The following UBE3A variants were observed in gnomAD, a reference collection of about 807,000 sequenced individuals.
UBE3A encodes ubiquitin-protein ligase E3A.
A neutral mutation model predicts 83.4 loss-of-function variants in UBE3A; 6 were observed. The observed-to-expected ratio is 0.07, with a 90% CI of 0.04 to 0.14. The LOEUF (loss-of-function observed/expected upper bound fraction) is 0.14. Among genes scored for constraint, UBE3A ranks in the 10% least tolerant of loss-of-function variants. UBE3A has a pLI of 1.00. For missense variants in UBE3A, 456 were observed against 1,036.1 expected (o/e 0.44, Z 7.69); for synonymous variants, 337 against 355.4 (o/e 0.95, Z 0.58).
intron 1 of UBE3A, among the ~76,000 whole-genome samples, chr15:25,428,593 C>T (rs1254399737): frequency 6.6e-6 from 1 of 152,086 alleles, no homozygotes; most frequent in Non-Finnish European, 1.5e-5. Flanking sequence ...GATAGTGTGC[C>T]TTTCCTTTAA....
chr15:25,434,049 G>A lies in UBE3A; in HGVS notation c.-165+4440C>T, dbSNP rs1436664812. 5.3e-5 allele frequency among the ~76,000 whole-genome samples: 8 copies of A among 152,188 alleles called. No individual in the cohort carries two copies. The South Asian group carries it at 8.3e-4, about 16-fold the overall frequency. ...TGCACTCCAACTTGGGCAACACAGC[G>A]AGACCCTGTCTCTAAACAAATAAAC... On this transcript the variant is annotated intron_variant, in intron 1 of 12. Transcript: ENST00000648336.
chr15:25,421,258 T>G (rs765431645), intron 1 of UBE3A, among the ~76,000 whole-genome samples: 8 of 152,154 alleles, frequency 5.3e-5, no homozygotes, highest in African/African-American at 1.9e-4. Context: ...TGCTCCCCCT[T>G]TGCCTTCCAC....
chr15:25,392,018 G>A (rs1184335522), intron 4 of UBE3A, among the ~76,000 whole-genome samples: 4 of 152,066 alleles, frequency 2.6e-5, no homozygotes, highest in Non-Finnish European at 5.9e-5. Flanking sequence ...AAACCGAGAA[G>A]AAACTGATAG....
In UBE3A at chr15:25,371,629, T is replaced by C; in HGVS notation, c.545A>G (p.Asp182Gly). The C allele has an allele frequency of 6.2e-7, 1 of 1,614,148 alleles. No homozygotes were observed. The highest frequency in any genetic ancestry group is 8.5e-7 in the Non-Finnish European group (1 of 1,180,022). Reference protein sequence around the residue: ...KEELKSLQAKDEDKDEDEKEK... With the variant: ...KEELKSLQAKGEDKDEDEKEK... ...CTTTTCATCTTCATCTTTGTCTTCA[T>C]CTTTTGCTTGAAGAGATTTCAGTTC... is the stretch of plus-strand genomic sequence containing the variant. The change falls in exon 6 of 13, where the codon GAT (aspartate) becomes GGT (glycine). Residue 182 changes from aspartate (D) to glycine (G), a missense_variant. Asp to Gly is a moderately conservative substitution (Grantham distance 94). Transcript: ENST00000648336. This position sits in a 1 kb window ranked among gnomAD's most constrained non-coding sequence, Gnocchi z 5.3.
intron 3 of UBE3A, chr15:25,406,981 T>C: frequency 1.2e-6 from 1 of 858,628 alleles, no homozygotes; most frequent in Non-Finnish European, 1.6e-6. Flanking sequence ...ATGCTGGAGG[T>C]GGCAGTGACT....
At chr15:25,410,688 G>C (rs1048988802) in intron 2 of UBE3A, among the ~76,000 whole-genome samples, 17 of 152,212 alleles carry the variant, frequency 1.1e-4, no homozygotes, top group Admixed American at 7.2e-4. Context: ...TCAAAATCCA[G>C]ATTAGGTGAG....
chr15:25,408,656 G>A lies in UBE3A; in HGVS notation c.20+432C>T, dbSNP rs1246312033. 1.9e-6 allele frequency: 3 copies of A among 1,613,684 alleles called. No individual in the cohort carries two copies. In the East Asian group the frequency reaches 6.7e-5, roughly 36 times the overall value. On this transcript the variant is annotated intron_variant, in intron 3 of 12. Transcript: ENST00000648336. ...CTGGTGCAGCTTCTCCATCCTGCAA[G>A]CCACTCCTTTTACCTCCACTGTAAC...
chr15:25,377,055 G>T (rs945323740), intron 4 of UBE3A, among the ~76,000 whole-genome samples: 17 of 152,040 alleles, frequency 1.1e-4, no homozygotes, highest in African/African-American at 3.6e-4. Context: ...CAACTACAAA[G>T]AATCAAAATT....
Position 25,395,006 on chromosome 15 carries a change from G to C in UBE3A, c.62+10455C>G, listed in dbSNP as rs180770137. On this transcript the variant is annotated intron_variant, in intron 4 of 12. Transcript: ENST00000648336. Reference sequence around the variant, plus strand: ...AGTTAAGGGGAATGCAGAAGAACATGATCATTCTTTGATGCAGCCGGTCAG... The same window carrying C: ...AGTTAAGGGGAATGCAGAAGAACATCATCATTCTTTGATGCAGCCGGTCAG... Among the ~76,000 whole-genome samples, 44 of 152,258 alleles carry C rather than the reference G, an allele frequency of 2.9e-4. No homozygotes were observed. In the East Asian group the frequency reaches 6.0e-3, roughly 21 times the overall value.
At chr15:25,343,800 G>A (rs1015968290) in intron 11 of UBE3A, among the ~76,000 whole-genome samples, 20 of 152,092 alleles carry the variant, frequency 1.3e-4, no homozygotes, top group African/African-American at 4.8e-4. Flanking sequence ...ACGACCAGCT[G>A]AGCAGCAAAA....
intron 1 of UBE3A, among the ~76,000 whole-genome samples, chr15:25,434,630 A>G (rs924803039): frequency 7.9e-5 from 12 of 152,202 alleles, no homozygotes; most frequent in Admixed American, 2.6e-4. Flanking sequence ...CAAAACACTC[A>G]TATGTCTCCA....
At chr15:25,378,366 A>AT (rs1235772859) in intron 4 of UBE3A, among the ~76,000 whole-genome samples, 1 of 152,118 alleles carries the variant, frequency 6.6e-6, no homozygotes, top group East Asian at 1.9e-4. Flanking sequence ...TAGGGAAACA[A>AT]TTGTCTGGGC....
intron 11 of UBE3A, among the ~76,000 whole-genome samples, chr15:25,340,848 G>GCAT (rs1285835795): frequency 6.6e-6 from 1 of 152,016 alleles, no homozygotes; most frequent in Non-Finnish European, 1.5e-5. Flanking sequence ...GCTGTGTATG[G>GCAT]AGGAGGAGAA....
At chr15:25,339,743 A>ACAAT (rs2074413766) in intron 12 of UBE3A, 2 of 357,990 alleles carry the variant, frequency 5.6e-6, no homozygotes, top group South Asian at 2.6e-5. Context: ...GGATTCTAGC[A>ACAAT]CAATCAAATG....
At chr15:25,341,227 G>A (rs2074718098) in intron 11 of UBE3A, among the ~76,000 whole-genome samples, 4 of 97,492 alleles carry the variant, frequency 4.1e-5, no homozygotes, top group South Asian at 4.8e-4. Flanking sequence ...CTGCCACCAC[G>A]CCTGGCTAAT....
chr15:25,354,795 A>G, intron 9 of UBE3A, 112 bp from the exon 10 acceptor site: 3 of 1,002,044 alleles, frequency 3.0e-6, no homozygotes, highest in Non-Finnish European at 4.3e-6. Flanking sequence ...ATTCAAGAAT[A>G]TTCTTAAAAA....
At chr15:25,425,960 T>C (rs1476770228) in intron 1 of UBE3A, among the ~76,000 whole-genome samples, 1 of 152,324 alleles carries the variant, frequency 6.6e-6, no homozygotes, top group Non-Finnish European at 1.5e-5. Context: ...ACATCCACTG[T>C]GCACTGGAAG....
At chr15:25,384,351 C>T (rs2082712760) in intron 4 of UBE3A, among the ~76,000 whole-genome samples, 1 of 151,216 alleles carries the variant, frequency 6.6e-6, no homozygotes, top group African/African-American at 2.4e-5. Flanking sequence ...ATCCCAGCCA[C>T]TCGGGAGGCT....
intron 3 of UBE3A, chr15:25,407,701 T>C (rs1432340125): frequency 6.6e-6 from 1 of 152,230 alleles, no homozygotes; most frequent in Admixed American, 6.5e-5. Context: ...ATTGAAAGAT[T>C]ATTACCTTAA....
Sources: gnomAD v4.1 joint callset for allele counts (sites outside exome capture counted in the v4.1 genomes callset) on GRCh38, gnomAD v4.1.1 for gene constraint, Gnocchi (gnomAD v3.1) non-coding constraint, MANE v1.5 for transcripts, NCBI Gene and HGNC (gene_info 2026-07-23, HGNC 2026-07-21) for gene names.